Variants in GPCPD1 observed in about 807,000 individuals in gnomAD.
The protein encoded by GPCPD1 is glycerophosphocholine phosphodiesterase 1.
GPCPD1 carries 29 observed loss-of-function variants against 89.2 expected under a neutral mutation model. The ratio of observed to expected loss-of-function variants is 0.33; its 90% CI spans 0.24 to 0.44. The LOEUF (loss-of-function observed/expected upper bound fraction) is 0.44, where lower values mean the gene tolerates loss of function less well. Ranked by LOEUF, GPCPD1 falls within the 20% of genes least tolerant of loss-of-function variation. The pLI, the probability that GPCPD1 is intolerant of heterozygous loss-of-function variation, is 1.00. For missense variants in GPCPD1, 594 were observed against 808.9 expected (o/e 0.73, Z 3.22); for synonymous variants, 258 against 266.3 (o/e 0.97, Z 0.30).
At chr20:5,553,294 G>A (rs566030332) in intron 19 of GPCPD1, among the ~76,000 whole-genome samples, 120 of 152,194 alleles carry the variant, frequency 7.9e-4, no homozygotes, top group African/African-American at 2.7e-3. Flanking sequence ...GAGGTGCCAC[G>A]AATCATACCC....
intron 2 of GPCPD1, 91 bp downstream of exon 2, chr20:5,604,273 C>G: frequency 2.8e-6 from 2 of 722,288 alleles, no homozygotes; most frequent in South Asian, 3.1e-5. Context: ...AAATCAGGCC[C>G]ACTCTAATAG....
chr20:5,568,230 G>GTATATATATATATATACTTAGTA lies in GPCPD1; in HGVS notation c.1150-693_1150-671dup, dbSNP rs1555804945. Among the ~76,000 whole-genome samples the GTATATATATATATATACTTAGTA allele has an allele frequency of 2.0e-3, 284 of 145,520 alleles. 1 individual carries two copies. The highest frequency in any genetic ancestry group is 6.8e-3 in the African/African-American group (271 of 39,614). ...ATCATCTGTCCAACAAATATACTTA[G>GTATATATATATATATACTTAGTA]TATATATATATATATACTTAGTATA... On this transcript the variant is annotated intron_variant, in intron 12 of 19. Transcript: ENST00000379019.
At chr20:5,566,651 C>T in intron 14 of GPCPD1, 82 bp downstream of exon 14, 2 of 810,170 alleles carry the variant, frequency 2.5e-6, no homozygotes, top group Non-Finnish European at 2.2e-6. Context: ...GACCAAGTAT[C>T]AAGTATGTGC....
At chr20:5,598,854 C>A (rs769022269) in intron 2 of GPCPD1, 33 bp from the exon 3 acceptor site, 1 of 1,310,700 alleles carries the variant, frequency 7.6e-7, no homozygotes, top group South Asian at 1.2e-5. Context: ...CACAGAGAAA[C>A]AGAACAATCA....
intron 2 of GPCPD1, among the ~76,000 whole-genome samples, chr20:5,604,071 T>G (rs1354242318): frequency 2.0e-5 from 3 of 152,050 alleles, no homozygotes; most frequent in African/African-American, 7.3e-5. Context: ...ACTAGCAAAG[T>G]TTCCTTCATT....
At chr20:5,567,732 T>C in intron 12 of GPCPD1, 172 bp from the exon 13 acceptor site, 1 of 556,678 alleles carries the variant, frequency 1.8e-6, no homozygotes, top group Non-Finnish European at 2.9e-6. Flanking sequence ...GGACAGCCCT[T>C]CTAACCTAAC....
intron 19 of GPCPD1, among the ~76,000 whole-genome samples, chr20:5,556,276 C>T (rs923976427): frequency 3.9e-5 from 6 of 152,084 alleles, no homozygotes; most frequent in Non-Finnish European, 8.8e-5. Context: ...GGCGCGATCT[C>T]GGCTCACTGC....
chr20:5,586,129 G>T, intron 5 of GPCPD1, 65 bp downstream of exon 5: 1 of 737,494 alleles, frequency 1.4e-6, no homozygotes, highest in East Asian at 2.6e-5. Context: ...ATCCCACTAA[G>T]CCATTGTGCA....
intron 18 of GPCPD1, among the ~76,000 whole-genome samples, 173 bp from the exon 19 acceptor site, chr20:5,558,278 T>C (rs1210710965): frequency 6.6e-6 from 1 of 152,144 alleles, no homozygotes; most frequent in African/African-American, 2.4e-5. Context: ...CATACATAAA[T>C]ATATTCACAA....
chr20:5,587,209 C>T (rs1480716342), intron 4 of GPCPD1, among the ~76,000 whole-genome samples: 1 of 152,082 alleles, frequency 6.6e-6, no homozygotes, highest in Non-Finnish European at 1.5e-5. Context: ...CATTTTCAAA[C>T]TATAATCTTA....
intron 2 of GPCPD1, among the ~76,000 whole-genome samples, chr20:5,602,907 C>T (rs116390293): frequency 0.032 from 4,792 of 149,806 alleles, 262 homozygotes; most frequent in African/African-American, 0.11. Context: ...CGCTTGAATT[C>T]GAGGAGCAGA....
intron 19 of GPCPD1, chr20:5,549,204 C>T (rs1325265512): frequency 2.9e-6 from 2 of 688,534 alleles, no homozygotes; most frequent in East Asian, 3.2e-5. Flanking sequence ...ATGAAGGGAC[C>T]TCAATCACTT....
At chr20:5,582,136 A>T (rs1211289134) in intron 6 of GPCPD1, among the ~76,000 whole-genome samples, 1 of 130,950 alleles carries the variant, frequency 7.6e-6, no homozygotes, top group African/African-American at 2.8e-5. Flanking sequence ...CAGTGAGCCG[A>T]GATCGCGCCA....
At chr20:5,591,915 A>C (rs1979354076) in intron 4 of GPCPD1, among the ~76,000 whole-genome samples, 1 of 152,204 alleles carries the variant, frequency 6.6e-6, no homozygotes, top group Non-Finnish European at 1.5e-5. Flanking sequence ...TCACCAACAC[A>C]TACTGTAAAC....
intron 3 of GPCPD1, among the ~76,000 whole-genome samples, chr20:5,595,775 T>C (rs1004809801): frequency 6.7e-6 from 1 of 150,090 alleles, no homozygotes; most frequent in African/African-American, 2.5e-5. Flanking sequence ...GAATAGAAAG[T>C]TGCCATTTCT....
intron 19 of GPCPD1, chr20:5,548,828 G>GT (rs1249827072): frequency 7.2e-6 from 5 of 696,698 alleles, no homozygotes; most frequent in Middle Eastern, 5.2e-4. Flanking sequence ...GCAGATCGAT[G>GT]TAAGACGGCG....
chr20:5,602,965 AGAGT>A (rs1350700390), intron 2 of GPCPD1, among the ~76,000 whole-genome samples: 2 of 148,980 alleles, frequency 1.3e-5, no homozygotes, highest in African/African-American at 2.5e-5. Flanking sequence ...CCTAGGCAAC[AGAGT>A]GAGACTCCAT....
At chr20:5,578,907 G>A (rs779572547) in intron 7 of GPCPD1, among the ~76,000 whole-genome samples, 2 of 152,072 alleles carry the variant, frequency 1.3e-5, no homozygotes, top group Non-Finnish European at 2.9e-5. Context: ...ATAAATCTAG[G>A]GCTGGGCCAG....
At chr20:5,607,803 A>G (rs238295) in intron 1 of GPCPD1, among the ~76,000 whole-genome samples, 103,163 of 148,322 alleles carry the variant, frequency 0.7, 37,019 homozygotes, top group African/African-American at 0.87. Context: ...GTGTGACAGA[A>G]TGAGACTCTG....
Sources: gnomAD v4.1 joint callset for allele counts (sites outside exome capture counted in the v4.1 genomes callset) on GRCh38, gnomAD v4.1.1 for gene constraint, MANE v1.5 for transcripts, NCBI Gene and HGNC (gene_info 2026-07-23, HGNC 2026-07-21) for gene names.